CDH13: variants seen among roughly 807,000 people sequenced by gnomAD.
CDH13 encodes cadherin-13.
In CDH13, 24 loss-of-function variants were observed where a neutral mutation model predicts 63.8. That is an observed-to-expected ratio of 0.38 (90% CI 0.27 to 0.53). The LOEUF is 0.53. Ranked by LOEUF, CDH13 falls within the 20% of genes least tolerant of loss-of-function variation. The pLI is 0.85. For synonymous variants in CDH13, 503 were observed against 355.3 expected (o/e 1.42, Z -4.67); for missense variants, 1,049 against 903.1 (o/e 1.16, Z -2.07).
At chr16:83,265,727 C>CTTTTTT (rs71272416) in intron 5 of CDH13, among the ~76,000 whole-genome samples, 1 of 42,570 alleles carries the variant, frequency 2.3e-5, no homozygotes, top group Non-Finnish European at 4.1e-5. Flanking sequence ...TAAATTTCTG[C>CTTTTTT]TTTTTTTTTT....
chr16:83,422,675 G>A (rs1427149177), intron 6 of CDH13, among the ~76,000 whole-genome samples: 1 of 152,110 alleles, frequency 6.6e-6, no homozygotes, highest in Non-Finnish European at 1.5e-5. Context: ...GTGAATTAGA[G>A]GACGTTTGAC....
intron 2 of CDH13, among the ~76,000 whole-genome samples, chr16:82,923,469 A>G (rs2042217680): frequency 6.6e-6 from 1 of 152,224 alleles, no homozygotes; most frequent in Non-Finnish European, 1.5e-5. Context: ...TGAAGTTTCC[A>G]TCTCTAAAAG....
rs74515050 is a variant in CDH13, at chr16:83,227,969, G to A, written c.636+10472G>A. 8.9e-3 allele frequency among the ~76,000 whole-genome samples: 1,361 copies of A among 152,208 alleles called. 51 individuals carry two copies. The East Asian group carries it at 0.11, about 13-fold the overall frequency. On this transcript the variant is annotated intron_variant, in intron 5 of 13. Coordinates refer to ENST00000567109, the MANE Select transcript of CDH13 (RefSeq NM_001257.5). ...CTACAGGCATTAGTGAGTATGTGAC[G>A]ATCAGGTGGCCCTAAGTGCTGGGAA...
chr16:83,244,263 G>C (rs1904763399), intron 5 of CDH13, among the ~76,000 whole-genome samples: 1 of 151,964 alleles, frequency 6.6e-6, no homozygotes, highest in Admixed American at 6.6e-5. Context: ...TTACTGTGTT[G>C]GCACAGCACT....
intron 3 of CDH13, among the ~76,000 whole-genome samples, chr16:83,083,604 C>T (rs1277025532): frequency 1.3e-5 from 2 of 152,188 alleles, no homozygotes; most frequent in African/African-American, 2.4e-5. Flanking sequence ...TCTATGCTGC[C>T]TTCCAATAAC....
intron 7 of CDH13, among the ~76,000 whole-genome samples, chr16:83,501,264 A>T (rs762477986): frequency 5.3e-5 from 8 of 152,240 alleles, no homozygotes; most frequent in Admixed American, 2.0e-4. Flanking sequence ...GACCATTGAA[A>T]TTCAGTGAAT....
chr16:82,981,823 C>G (rs528822754), intron 2 of CDH13, among the ~76,000 whole-genome samples: 1 of 152,324 alleles, frequency 6.6e-6, no homozygotes, highest in East Asian at 1.9e-4. Flanking sequence ...CCTTCAACAG[C>G]TACCAGTGGC....
At chr16:83,219,523 G>C (rs186869932) in intron 5 of CDH13, among the ~76,000 whole-genome samples, 23 of 152,154 alleles carry the variant, frequency 1.5e-4, no homozygotes, top group African/African-American at 5.6e-4. Context: ...TACATATGAA[G>C]CATTTAGAAA....
In CDH13 at chr16:82,649,176, T is replaced by C. The variant is rs193223938; in HGVS notation, c.45+22039T>C. Among the ~76,000 whole-genome samples the C allele has an allele frequency of 1.9e-3, 292 of 152,320 alleles. 2 individuals are homozygous for C. Among genetic ancestry groups the C allele is most frequent in the Admixed American group, 7.3e-3 (111 of 15,298 alleles). The stretch of plus-strand genomic sequence containing the variant: ...ATATGCTATGCTTTTAATATTCCTA[T>C]TTTACAAATGACATAATAGAAGATT... On this transcript the variant is annotated intron_variant, in intron 1 of 13. Transcript: ENST00000567109.
At chr16:82,914,060 G>T (rs763051101) in intron 2 of CDH13, among the ~76,000 whole-genome samples, 1 of 152,010 alleles carries the variant, frequency 6.6e-6, no homozygotes, top group Non-Finnish European at 1.5e-5. Context: ...CAGGATGAGG[G>T]TGGGCATGGA....
intron 3 of CDH13, among the ~76,000 whole-genome samples, chr16:83,085,501 C>G (rs2033535347): frequency 6.6e-6 from 1 of 152,108 alleles, no homozygotes; most frequent in Non-Finnish European, 1.5e-5. Flanking sequence ...GGTGAGCCAG[C>G]CAGCCATGCT....
intron 3 of CDH13, among the ~76,000 whole-genome samples, chr16:83,122,439 A>G (rs141683594): frequency 1.4e-4 from 22 of 152,350 alleles, no homozygotes; most frequent in African/African-American, 4.6e-4. Flanking sequence ...TGAGTTACGC[A>G]TAGAGCAAAC....
At chr16:82,846,598 G>A (rs2039266521) in intron 1 of CDH13, among the ~76,000 whole-genome samples, 1 of 152,162 alleles carries the variant, frequency 6.6e-6, no homozygotes, top group Non-Finnish European at 1.5e-5. Flanking sequence ...GACCCAGTTA[G>A]TCTAGCCTGC....
chr16:83,030,145 C>G (rs531816150), intron 2 of CDH13, among the ~76,000 whole-genome samples: 87 of 152,262 alleles, frequency 5.7e-4, no homozygotes, highest in South Asian at 1.9e-3. Context: ...TATTCCTTCC[C>G]ACACATGAAT....
intron 1 of CDH13, among the ~76,000 whole-genome samples, chr16:82,716,773 T>C (rs940554610): frequency 1.5e-4 from 22 of 151,386 alleles, no homozygotes; most frequent in African/African-American, 4.1e-4. Flanking sequence ...GCCAGGTCTG[T>C]TTTAATGAGC....
At chr16:83,298,922 A>G (rs2089665580) in intron 5 of CDH13, among the ~76,000 whole-genome samples, 1 of 152,238 alleles carries the variant, frequency 6.6e-6, no homozygotes. Context: ...TGTATTTTGC[A>G]ATAAATTTAT....
intron 6 of CDH13, among the ~76,000 whole-genome samples, chr16:83,368,302 T>C (rs7190939): frequency 0.014 from 2,109 of 152,314 alleles, 53 homozygotes; most frequent in African/African-American, 0.048. Context: ...AACAGATACA[T>C]ACTGAGGTAG....
At chr16:82,935,651 C>T (rs534290861) in intron 2 of CDH13, among the ~76,000 whole-genome samples, 1 of 152,272 alleles carries the variant, frequency 6.6e-6, no homozygotes, top group South Asian at 2.1e-4. Flanking sequence ...GGTCCCCAAC[C>T]TCTGGGCTAT....
intron 8 of CDH13, among the ~76,000 whole-genome samples, chr16:83,648,180 CG>C (rs1912016967): frequency 1.3e-5 from 2 of 152,080 alleles, no homozygotes; most frequent in Admixed American, 6.5e-5. Context: ...TAATAAAACA[CG>C]GATGTTTCAT....
Sources: gnomAD v4.1 joint callset for allele counts (sites outside exome capture counted in the v4.1 genomes callset) on GRCh38, gnomAD v4.1.1 for gene constraint, MANE v1.5 for transcripts, NCBI Gene and HGNC (gene_info 2026-07-23, HGNC 2026-07-21) for gene names.